CHD7: variants seen among roughly 807,000 people sequenced by gnomAD.
The protein encoded by CHD7 is chromodomain helicase DNA binding protein 7, also known as ATP-dependent chromatin remodeler CHD7.
Under a neutral mutation model 307.3 loss-of-function variants are expected in CHD7, and 24 were observed. The observed-to-expected ratio is 0.08, with a 90% CI of 0.06 to 0.11. The LOEUF (loss-of-function observed/expected upper bound fraction) is 0.11, where lower values mean the gene tolerates loss of function less well. Among genes scored for constraint, CHD7 ranks in the 10% least tolerant of loss-of-function variants. CHD7 has a pLI of 1.00. For synonymous variants in CHD7, 1,363 were observed against 1,349.9 expected (o/e 1.01, Z -0.21); for missense variants, 3,106 against 3,727.1 (o/e 0.83, Z 4.34).
chr8:60,779,993 A>G (rs536193430), intron 2 of CHD7, among the ~76,000 whole-genome samples: 4 of 152,376 alleles, frequency 2.6e-5, no homozygotes, highest in Admixed American at 6.5e-5. Flanking sequence ...TTAGTGTTAC[A>G]TGCCAGAAGA....
rs372874769 is a variant in CHD7, at chr8:60,748,987, T to TAAA, written c.1665+5895_1665+5897dup. Among the ~76,000 whole-genome samples, 740 of 149,234 alleles carry TAAA rather than the reference T, an allele frequency of 5.0e-3. 8 individuals carry two copies. Among genetic ancestry groups the TAAA allele is most frequent in the South Asian group, 0.043 (203 of 4,736 alleles). ...GTGGTACAATTTTTTTTTTTTTTTT[T>TAAA]AAAAAAATAGCCTTTCAGGGAAAAC... On this transcript the variant is annotated intron_variant, in intron 2 of 37. Transcript: ENST00000423902.
chr8:60,757,539 C>T (rs1042796905), intron 2 of CHD7, among the ~76,000 whole-genome samples: 1 of 152,226 alleles, frequency 6.6e-6, no homozygotes, highest in Non-Finnish European at 1.5e-5. Flanking sequence ...TATTAACTCT[C>T]TGCTTTGCTG....
At chr8:60,855,121 C>T (rs1026590364) in intron 32 of CHD7, 1 of 151,200 alleles carries the variant, frequency 6.6e-6, no homozygotes, top group African/African-American at 2.5e-5. Flanking sequence ...CATAACAGGG[C>T]TGTCTGGTTT....
intron 1 of CHD7, among the ~76,000 whole-genome samples, chr8:60,691,733 T>G (rs1167787765): frequency 1.3e-5 from 2 of 152,204 alleles, no homozygotes; most frequent in Non-Finnish European, 2.9e-5. Flanking sequence ...CCATTGGTCT[T>G]TAAGGAAGAT....
At chr8:60,856,346 A>T in intron 33 of CHD7, 99 bp from the exon 34 acceptor site, 1 of 1,314,400 alleles carries the variant, frequency 7.6e-7, no homozygotes, top group East Asian at 2.5e-5. Context: ...ATGAATGCTT[A>T]ATTCCTTAAG....
intron 25 of CHD7, among the ~76,000 whole-genome samples, chr8:60,849,784 T>A (rs183147128): frequency 6.6e-6 from 1 of 152,334 alleles, no homozygotes; most frequent in East Asian, 1.9e-4. Flanking sequence ...CAGTTTGGCT[T>A]GCGGCTCTAC....
Position 60,823,887 on chromosome 8 carries a change from A to G in CHD7, c.3249A>G (p.Thr1083=). 1 of 1,613,824 alleles carries G rather than the reference A, an allele frequency of 6.2e-7. No homozygotes were observed. The highest frequency in any genetic ancestry group is 8.5e-7 in the Non-Finnish European group (1 of 1,179,746). The change falls in exon 13 of 38, where the codon ACA becomes ACG. Residue 1083 remains threonine, a synonymous_variant. Coordinates refer to ENST00000423902, the MANE Select transcript of CHD7 (RefSeq NM_017780.4). ...GSYKFHAIIT[T]FEMILTDCPE... ...ATAAGTTTCATGCCATCATCACTAC[A>G]TTTGAGATGATTTTGACTGATTGTC...
At chr8:60,769,040 G>A (rs1399982508) in intron 2 of CHD7, among the ~76,000 whole-genome samples, 3 of 152,154 alleles carry the variant, frequency 2.0e-5, no homozygotes, top group Admixed American at 1.3e-4. Context: ...TTTCAAAGTA[G>A]GGATGAATCT....
chr8:60,851,979 T>G, intron 28 of CHD7, 40 bp from the exon 29 acceptor site: 7 of 1,400,300 alleles, frequency 5.0e-6, no homozygotes, highest in Non-Finnish European at 6.9e-6. Flanking sequence ...ATTGCAAGAT[T>G]GCAGCTACAC....
At chr8:60,806,729 G>A (rs1016776195) in intron 6 of CHD7, among the ~76,000 whole-genome samples, 1 of 152,184 alleles carries the variant, frequency 6.6e-6, no homozygotes, top group Admixed American at 6.5e-5. Flanking sequence ...TTAGCTCGGT[G>A]TGGTGGCTCA....
intron 2 of CHD7, among the ~76,000 whole-genome samples, chr8:60,764,033 G>T (rs189874907): frequency 4.6e-5 from 7 of 152,176 alleles, no homozygotes; most frequent in African/African-American, 1.4e-4. Context: ...TGTCACCCAG[G>T]CTGGAGTGCA....
intron 32 of CHD7, among the ~76,000 whole-genome samples, chr8:60,855,592 A>G (rs1167357254): frequency 1.3e-5 from 2 of 152,246 alleles, no homozygotes; most frequent in Non-Finnish European, 2.9e-5. Flanking sequence ...AAGCTAATGC[A>G]GGGTTTCCAT....
In CHD7 at chr8:60,865,482, A is replaced by G; in HGVS notation, c.8543A>G (p.Asn2848Ser). ...DSTSKGEEKG[N>S]ENEDENKDSE... ...ACTTCAAAAGGAGAGGAGAAAGGAA[A>G]TGAGAATGAAGACGAGAACAAAGAC... The change falls in exon 38 of 38, where the codon AAT becomes AGT. Residue 2848 changes from asparagine (N) to serine (S), a missense_variant. Around this residue, in one of 10 missense-constraint regions of CHD7, gnomAD observed 351 missense variants for 366.2 expected, o/e 0.96. Coordinates refer to ENST00000423902, the MANE Select transcript of CHD7 (RefSeq NM_017780.4). The surrounding 1 kb of genome is among the most constrained non-coding windows in gnomAD (Gnocchi z 4.3). 1 of 1,614,056 alleles carries G rather than the reference A, an allele frequency of 6.2e-7. No individual in the cohort carries two copies. The highest frequency in any genetic ancestry group is 8.5e-7 in the Non-Finnish European group (1 of 1,179,892).
At position 60,824,085 on chromosome 8, in the gene CHD7, T is replaced by C. The variant is rs901767477; in HGVS notation, c.3378+69T>C. ...GTTGCTGACTTGATAGTCCCGTTGC[T>C]CAGAATTTGATGCCTGTAAACAGTA... is the stretch of plus-strand genomic sequence containing the variant. On this transcript the variant is annotated intron_variant, in intron 13 of 37. Transcript: ENST00000423902. 2.2e-6 allele frequency: 3 copies of C among 1,382,216 alleles called. No homozygotes were observed. The African/African-American group carries it at 4.3e-5, about 20-fold the overall frequency. 85.6% of individuals were successfully genotyped at this position (1,382,216 alleles called of 1,614,324 possible).
At chr8:60,780,064 G>A (rs1054491503) in intron 2 of CHD7, among the ~76,000 whole-genome samples, 1 of 152,182 alleles carries the variant, frequency 6.6e-6, no homozygotes, top group African/African-American at 2.4e-5. Flanking sequence ...CAAGTATTTT[G>A]TTGAAATATA....
At chr8:60,711,047 A>G (rs1329745660) in intron 1 of CHD7, among the ~76,000 whole-genome samples, 1 of 152,190 alleles carries the variant, frequency 6.6e-6, no homozygotes, top group Non-Finnish European at 1.5e-5. Context: ...AGTAAAATAG[A>G]CCAGTTGACA....
intron 1 of CHD7, among the ~76,000 whole-genome samples, chr8:60,696,078 A>C (rs1315613877): frequency 6.6e-6 from 1 of 152,248 alleles, no homozygotes; most frequent in Non-Finnish European, 1.5e-5. Context: ...TCATGTTAGA[A>C]TATCATGCAG....
At chr8:60,679,319 A>G (rs1460591092) in intron 1 of CHD7, among the ~76,000 whole-genome samples, 3 of 144,010 alleles carry the variant, frequency 2.1e-5, no homozygotes, top group Non-Finnish European at 4.6e-5. Flanking sequence ...CCGCGCCCCG[A>G]GCGCCGCCCG....
intron 23 of CHD7, 73 bp from the exon 24 acceptor site, chr8:60,848,442 A>G (rs1394104883): frequency 4.1e-6 from 4 of 976,298 alleles, no homozygotes; most frequent in Non-Finnish European, 6.4e-6. Flanking sequence ...GAACAGCAGC[A>G]GCTGCCAAAA....
Sources: allele counts gnomAD v4.1 joint callset (sites outside exome capture counted in the v4.1 genomes callset), GRCh38; gene constraint gnomAD v4.1.1; regional missense constraint gnomAD v4.1.1; non-coding constraint Gnocchi (gnomAD v3.1); transcripts MANE v1.5; gene names NCBI Gene and HGNC (gene_info 2026-07-23, HGNC 2026-07-21).